Variants in CTNNA3 observed in about 807,000 individuals in gnomAD.
CTNNA3 encodes catenin alpha-3.
Under a neutral mutation model 95.7 loss-of-function variants are expected in CTNNA3, and 76 were observed. The observed-to-expected ratio is 0.79, with a 90% confidence interval of 0.66 to 0.96. The LOEUF is 0.96. Among genes scored for constraint, CTNNA3 ranks in the 40% least tolerant of loss-of-function variants. The pLI, the probability that CTNNA3 is intolerant of heterozygous loss-of-function variation, is 0.00. For missense variants in CTNNA3, 1,191 were observed against 1,089.8 expected (o/e 1.09, Z -1.31); for synonymous variants, 431 against 374.4 (o/e 1.15, Z -1.74).
At chr10:66,304,366 C>T (rs2091903986) in intron 12 of CTNNA3, among the ~76,000 whole-genome samples, 1 of 152,134 alleles carries the variant, frequency 6.6e-6, no homozygotes, top group Non-Finnish European at 1.5e-5. Flanking sequence ...AGCCACAGAA[C>T]CTATGGCCCT....
chr10:66,054,241 T>G (rs1290669185), intron 15 of CTNNA3, among the ~76,000 whole-genome samples: 1 of 152,132 alleles, frequency 6.6e-6, no homozygotes, highest in Non-Finnish European at 1.5e-5. Flanking sequence ...TGGATGTATA[T>G]CCAGCAGTGG....
chr10:66,803,571 T>TACA (rs1841517558), intron 7 of CTNNA3, among the ~76,000 whole-genome samples: 1 of 151,922 alleles, frequency 6.6e-6, no homozygotes, highest in African/African-American at 2.4e-5. Flanking sequence ...CTACAGATCC[T>TACA]ATAAAGCAAC....
In CTNNA3 at chr10:67,639,043, C is replaced by A. The variant is rs1036003371; in HGVS notation, c.99+8372G>T. ...CTGAAGGAAATAGACACATAAAAAA[C>A]CCTTCAAAAAATTAATGAATCCAGG... is the stretch of plus-strand genomic sequence containing the variant. On this transcript the variant is annotated intron_variant, in intron 2 of 17. Coordinates refer to ENST00000433211, the MANE Select transcript of CTNNA3 (RefSeq NM_013266.4). Among the ~76,000 whole-genome samples, 21 of 152,224 alleles carry A rather than the reference C, an allele frequency of 1.4e-4. No individual in the cohort carries two copies. The East Asian group carries it at 1.7e-3, about 13-fold the overall frequency.
At chr10:67,123,389 T>C (rs1285167100) in intron 7 of CTNNA3, among the ~76,000 whole-genome samples, 1 of 152,208 alleles carries the variant, frequency 6.6e-6, no homozygotes, top group Non-Finnish European at 1.5e-5. Flanking sequence ...CTATTCTATG[T>C]GCATAGCTAC....
chr10:66,580,218 T>C (rs974814996), intron 10 of CTNNA3, among the ~76,000 whole-genome samples: 2 of 151,858 alleles, frequency 1.3e-5, no homozygotes, highest in Admixed American at 6.6e-5. Context: ...CTTTGATTTC[T>C]TTGCTGTAAC....
rs538558955 is a variant in CTNNA3, at chr10:67,585,321, G to T, written c.292+21536C>A. Among the ~76,000 whole-genome samples, 3 of 152,222 alleles carry T rather than the reference G, an allele frequency of 2.0e-5. No individual in the cohort carries two copies. In the South Asian group the frequency reaches 6.2e-4, roughly 32 times the overall value. ...TTTTCTTTTATATGTGTCACCTCTG[G>T]TTTAGGTATCAGAATAATACTGGCC... is the stretch of plus-strand genomic sequence containing the variant. On this transcript the variant is annotated intron_variant, in intron 3 of 17. Transcript: ENST00000433211.
chr10:66,352,849 A>G (rs2092577418), intron 12 of CTNNA3, among the ~76,000 whole-genome samples: 2 of 152,118 alleles, frequency 1.3e-5, no homozygotes, highest in South Asian at 4.1e-4. Flanking sequence ...TAAAAGAAAT[A>G]ACAAACAAAC....
chr10:66,414,865 C>T (rs1468696855), intron 11 of CTNNA3, among the ~76,000 whole-genome samples: 1 of 152,110 alleles, frequency 6.6e-6, no homozygotes, highest in African/African-American at 2.4e-5. Context: ...AAACTGCACA[C>T]TACCTGAAGC....
At chr10:66,953,666 C>T (rs1848651000) in intron 7 of CTNNA3, among the ~76,000 whole-genome samples, 1 of 152,050 alleles carries the variant, frequency 6.6e-6, no homozygotes, top group Non-Finnish European at 1.5e-5. Flanking sequence ...CATCTATTTT[C>T]TACATAATAA....
intron 7 of CTNNA3, among the ~76,000 whole-genome samples, chr10:67,039,379 C>T (rs1854261212): frequency 6.6e-6 from 1 of 152,050 alleles, no homozygotes; most frequent in Admixed American, 6.6e-5. Context: ...TTTCCCTGTG[C>T]AGCAGAAAAA....
At chr10:67,151,242 T>C (rs1861078805) in intron 7 of CTNNA3, among the ~76,000 whole-genome samples, 2 of 152,210 alleles carry the variant, frequency 1.3e-5, no homozygotes, top group South Asian at 2.1e-4. Flanking sequence ...AATCCTTAAA[T>C]GTCAATATGC....
At chr10:67,257,617 C>T (rs1334432345) in intron 5 of CTNNA3, among the ~76,000 whole-genome samples, 2 of 152,130 alleles carry the variant, frequency 1.3e-5, no homozygotes, top group South Asian at 2.1e-4. Context: ...CTCCACAAAA[C>T]GCAAGTACAA....
chr10:67,661,062 C>T (rs983119356), intron 1 of CTNNA3, among the ~76,000 whole-genome samples: 1 of 151,936 alleles, frequency 6.6e-6, no homozygotes, highest in Non-Finnish European at 1.5e-5. Flanking sequence ...ACTCTTATAC[C>T]TTGCTTGTGG....
intron 7 of CTNNA3, among the ~76,000 whole-genome samples, chr10:66,835,497 C>T (rs59726309): frequency 0.064 from 9,763 of 152,296 alleles, 362 homozygotes; most frequent in African/African-American, 0.1. Context: ...GTCCTGTTAT[C>T]ATATTTACTG....
intron 5 of CTNNA3, among the ~76,000 whole-genome samples, chr10:67,435,041 T>C (rs552624374): frequency 6.6e-6 from 1 of 152,096 alleles, no homozygotes; most frequent in Admixed American, 6.6e-5. Context: ...ATCTGCTCCA[T>C]GTTCTACAAT....
intron 12 of CTNNA3, among the ~76,000 whole-genome samples, chr10:66,364,805 T>C (rs1425389015): frequency 6.6e-6 from 1 of 152,280 alleles, no homozygotes; most frequent in Middle Eastern, 3.4e-3. Flanking sequence ...ATTTCCTCTG[T>C]AATGATTTCT....
At chr10:67,593,794 T>C (rs1240436131) in intron 3 of CTNNA3, among the ~76,000 whole-genome samples, 1 of 152,176 alleles carries the variant, frequency 6.6e-6, no homozygotes, top group African/African-American at 2.4e-5. Context: ...TCCAGTACTA[T>C]GTTGAATAGG....
At chr10:66,133,420 C>T (rs2083211116) in intron 13 of CTNNA3, among the ~76,000 whole-genome samples, 1 of 151,318 alleles carries the variant, frequency 6.6e-6, no homozygotes, top group Non-Finnish European at 1.5e-5. Context: ...GAGGCTGAGA[C>T]ATGAGAATTG....
chr10:66,072,620 T>C (rs922567598), intron 14 of CTNNA3, among the ~76,000 whole-genome samples: 1 of 151,966 alleles, frequency 6.6e-6, no homozygotes, highest in African/African-American at 2.4e-5. Flanking sequence ...AATTTTTGTA[T>C]ATTTAGTAGA....
Sources: gnomAD v4.1 joint callset for allele counts (sites outside exome capture counted in the v4.1 genomes callset) on GRCh38, gnomAD v4.1.1 for gene constraint, MANE v1.5 for transcripts, NCBI Gene and HGNC (gene_info 2026-07-23, HGNC 2026-07-21) for gene names.